LGR6: variants seen among roughly 807,000 people sequenced by gnomAD.
LGR6 encodes leucine rich repeat containing G protein-coupled receptor 6.
A neutral mutation model predicts 69.4 loss-of-function variants in LGR6; 45 were observed. The ratio of observed to expected loss-of-function variants is 0.65; its 90% CI spans 0.51 to 0.83. The LOEUF (loss-of-function observed/expected upper bound fraction) is 0.83, where lower values mean the gene tolerates loss of function less well. LGR6 is among the 40% of genes least tolerant of loss of function. The pLI is 0.00. For synonymous variants in LGR6, 538 were observed against 555.0 expected, an observed-to-expected ratio of 0.97 and a Z score of 0.43; for missense variants, 1,108 against 1,246.7, an observed-to-expected ratio of 0.89 and a Z score of 1.68.
chr1:202,203,823 G>T (rs1658920766), intron 1 of LGR6: 2 of 1,613,750 alleles, frequency 1.2e-6, no homozygotes, highest in African/African-American at 2.7e-5. Flanking sequence ...CCAAGGAATG[G>T]GAAGACCAAG....
chr1:202,241,010 C>A (rs1483322653), intron 4 of LGR6, among the ~76,000 whole-genome samples: 4 of 152,200 alleles, frequency 2.6e-5, no homozygotes, highest in Non-Finnish European at 5.9e-5. Flanking sequence ...TAGGGGCAGA[C>A]AAGTTCAGGG....
chr1:202,285,622 C>G (rs1666336471), intron 6 of LGR6, among the ~76,000 whole-genome samples: 2 of 152,156 alleles, frequency 1.3e-5, no homozygotes, highest in Admixed American at 1.3e-4. Flanking sequence ...TCCTGTCCTC[C>G]CATTTAATGT....
chr1:202,289,783 T>C (rs577698878), intron 6 of LGR6, among the ~76,000 whole-genome samples: 23 of 152,356 alleles, frequency 1.5e-4, no homozygotes, highest in African/African-American at 5.3e-4. Flanking sequence ...TTAAGACATG[T>C]ATTCATTGTG....
chr1:202,261,552 A>G (rs1455030110), intron 4 of LGR6, among the ~76,000 whole-genome samples: 3 of 152,194 alleles, frequency 2.0e-5, no homozygotes, highest in South Asian at 2.1e-4. Context: ...ATACGTGTGC[A>G]TGTGTCTTTA....
intron 5 of LGR6, 128 bp from the exon 6 acceptor site, chr1:202,280,653 G>T: frequency 1.2e-6 from 1 of 845,620 alleles, no homozygotes; most frequent in East Asian, 2.5e-5. Context: ...GGAAACAAAC[G>T]GATGGACCAT....
intron 4 of LGR6, among the ~76,000 whole-genome samples, chr1:202,249,369 C>T (rs1195284191): frequency 6.6e-6 from 1 of 152,172 alleles, no homozygotes; most frequent in Non-Finnish European, 1.5e-5. Context: ...CTCCTCTTCC[C>T]CTGCCCATCC....
intron 1 of LGR6, among the ~76,000 whole-genome samples, chr1:202,219,988 C>T (rs529044035): frequency 3.6e-4 from 54 of 151,998 alleles, no homozygotes; most frequent in Middle Eastern, 3.4e-3. Flanking sequence ...AAGCAATTCT[C>T]CTGCCTCAGC....
chr1:202,233,602 C>CT (rs2147987985), intron 3 of LGR6, among the ~76,000 whole-genome samples: 1 of 152,112 alleles, frequency 6.6e-6, no homozygotes, highest in East Asian at 1.9e-4. Flanking sequence ...CTGAGTGAGG[C>CT]TTTATGCACC....
Position 202,240,779 on chromosome 1 carries a change from G to A in LGR6, c.428+4786G>A, listed in dbSNP as rs892201639. Reference sequence around the variant, plus strand: ...GTGGCTAGGCTGAAAGGAGACAGTGGGGAAAAATGACAATTTTTTGGACTT... The same window carrying A: ...GTGGCTAGGCTGAAAGGAGACAGTGAGGAAAAATGACAATTTTTTGGACTT... On this transcript the variant is annotated intron_variant, in intron 4 of 17. Transcript: ENST00000367278. Among the ~76,000 whole-genome samples the A allele has an allele frequency of 4.5e-4, 68 of 152,100 alleles. 1 individual carries two copies. Among genetic ancestry groups the A allele is most frequent in the Admixed American group, 3.9e-4 (6 of 15,266 alleles).
At chr1:202,312,009 G>T (rs961905338) in intron 16 of LGR6, among the ~76,000 whole-genome samples, 9 of 152,224 alleles carry the variant, frequency 5.9e-5, no homozygotes, top group African/African-American at 2.2e-4. Flanking sequence ...CCGGATGTCT[G>T]CTGTACACTC....
At chr1:202,249,463 C>G (rs1571893097) in intron 4 of LGR6, among the ~76,000 whole-genome samples, 3 of 152,180 alleles carry the variant, frequency 2.0e-5, no homozygotes, top group African/African-American at 7.2e-5. Flanking sequence ...CCCATGGACT[C>G]AGTAACTACC....
chr1:202,209,172 C>T (rs1373478028), intron 1 of LGR6, among the ~76,000 whole-genome samples: 1 of 152,118 alleles, frequency 6.6e-6, no homozygotes, highest in African/African-American at 2.4e-5. Flanking sequence ...GGGGAGAGAG[C>T]CCAAAGCTAA....
intron 4 of LGR6, among the ~76,000 whole-genome samples, chr1:202,251,148 T>C (rs1385239830): frequency 2.0e-5 from 3 of 152,140 alleles, no homozygotes; most frequent in Non-Finnish European, 2.9e-5. Context: ...GCAATGCTGT[T>C]GGCTTCCAGT....
At chr1:202,194,710 G>GGGT (rs879791862) in intron 1 of LGR6, 1 of 271,654 alleles carries the variant, frequency 3.7e-6, no homozygotes, top group South Asian at 2.8e-5. Flanking sequence ...GGGGGCGGGG[G>GGGT]GGGCGGGTTT....
chr1:202,193,815 C>A lies in LGR6; in HGVS notation c.-175C>A. The A allele has an allele frequency of 3.3e-6, 1 of 303,346 alleles. No homozygotes were observed. Among genetic ancestry groups the A allele is most frequent in the Non-Finnish European group, 6.0e-6 (1 of 166,878 alleles). 18.8% of individuals were successfully genotyped at this position (303,346 alleles called of 1,614,324 possible). ...ACGAAGATCACTCAACAATGCCTGC[C>A]CCTCTCTGACTGCACCGTCCCGGCG... On this transcript the variant is annotated 5_prime_UTR_variant, in exon 1 of 18. Transcript: ENST00000367278.
intron 6 of LGR6, among the ~76,000 whole-genome samples, chr1:202,287,647 G>A (rs1312059693): frequency 1.3e-5 from 2 of 152,168 alleles, no homozygotes; most frequent in African/African-American, 4.8e-5. Context: ...CCAGCTCAGT[G>A]ATGGCAGCTT....
chr1:202,257,859 G>A (rs1224612157), intron 4 of LGR6, among the ~76,000 whole-genome samples: 1 of 152,024 alleles, frequency 6.6e-6, no homozygotes, highest in Admixed American at 6.5e-5. Context: ...AAGACCACTA[G>A]GACTGTGATA....
At chr1:202,304,864 C>T (rs1054390697) in intron 11 of LGR6, among the ~76,000 whole-genome samples, 13 of 152,248 alleles carry the variant, frequency 8.5e-5, no homozygotes, top group Admixed American at 1.3e-4. Flanking sequence ...TCGATATCCT[C>T]GTCTATAACA....
Position 202,281,974 on chromosome 1 carries a change from G to A in LGR6, c.716+1122G>A, listed in dbSNP as rs183282487. On this transcript the variant is annotated intron_variant, in intron 6 of 17. Transcript: ENST00000367278. ...CTAATGGCATTTGTGGTGGTGCAGG[G>A]AAAAGTAATAGGGAGGCTGAGACCC... 5.3e-3 allele frequency among the ~76,000 whole-genome samples: 814 copies of A among 152,304 alleles called. 12 individuals are homozygous for A. The highest frequency in any genetic ancestry group is 0.019 in the African/African-American group (787 of 41,548).
Sources: allele counts gnomAD v4.1 joint callset (sites outside exome capture counted in the v4.1 genomes callset), GRCh38; gene constraint gnomAD v4.1.1; transcripts MANE v1.5; gene names NCBI Gene and HGNC (gene_info 2026-07-23, HGNC 2026-07-21).